The following ASXL2 variants were observed in gnomAD, a reference collection of about 807,000 sequenced individuals.
The protein encoded by ASXL2 is ASXL transcriptional regulator 2, also known as putative Polycomb group protein ASXL2.
Under a neutral mutation model 122.0 loss-of-function variants are expected in ASXL2, and 23 were observed. That is an observed-to-expected ratio of 0.19 (90% CI 0.14 to 0.27). ASXL2 has a LOEUF of 0.27. ASXL2 is among the 10% of genes least tolerant of loss of function. ASXL2 has a pLI of 1.00. For missense variants in ASXL2, 1,518 were observed against 1,713.8 expected (o/e 0.89, Z 2.02); for synonymous variants, 650 against 637.0 (o/e 1.02, Z -0.31).
chr2:25,736,963 C>T lies in ASXL2; in HGVS notation c.*5066G>A, dbSNP rs1283781702. ...ACTTTGCAGCCACAAAATGAGTTCT[C>T]GTGGATTAGACAGCAATCTCGGTAT... is the stretch of plus-strand genomic sequence containing the variant. On this transcript the variant is annotated 3_prime_UTR_variant, in exon 13 of 13. Coordinates refer to ENST00000435504, the MANE Select transcript of ASXL2 (RefSeq NM_018263.6). 1.3e-5 allele frequency: 2 copies of T among 152,142 alleles called. No homozygotes were observed. Among genetic ancestry groups the T allele is most frequent in the Middle Eastern group, 3.2e-3 (1 of 316 alleles). 9.4% of individuals were successfully genotyped at this position (152,142 alleles called of 1,614,324 possible).
At chr2:25,860,991 G>A (rs548154830) in intron 1 of ASXL2, among the ~76,000 whole-genome samples, 4 of 152,222 alleles carry the variant, frequency 2.6e-5, no homozygotes, top group African/African-American at 7.2e-5. Context: ...CAGCCTGGGC[G>A]ACAGAGAGCT....
chr2:25,802,101 T>C (rs889171999), intron 4 of ASXL2, among the ~76,000 whole-genome samples: 3 of 152,256 alleles, frequency 2.0e-5, no homozygotes, highest in African/African-American at 7.2e-5. Context: ...AACTGTGCCC[T>C]TGCTTAAGCT....
intron 1 of ASXL2, among the ~76,000 whole-genome samples, chr2:25,877,799 G>A (rs906404457): frequency 3.3e-5 from 5 of 152,208 alleles, no homozygotes; most frequent in African/African-American, 7.2e-5. Flanking sequence ...TGCATCCAAT[G>A]GGGGCTCTCC....
rs2087779949 is a variant in ASXL2, at chr2:25,738,866, T to G, written c.*3163A>C. ...CCCAAGTTTCCCATTTGCCAGCTCTTATTCTTAGAAATGTTACATGAAATA... is the reference window on the plus strand; with the variant it reads ...CCCAAGTTTCCCATTTGCCAGCTCTGATTCTTAGAAATGTTACATGAAATA... On this transcript the variant is annotated 3_prime_UTR_variant, in exon 13 of 13. Transcript: ENST00000435504. 1 of 152,224 alleles carries G rather than the reference T, an allele frequency of 6.6e-6. No individual in the cohort carries two copies. The highest frequency in any genetic ancestry group is 1.5e-5 in the Non-Finnish European group (1 of 68,042). The allele number at this position is 152,224 out of a possible 1,614,324, so 9.4% of individuals were successfully genotyped here. A position where few individuals can be genotyped will look rare whatever the true frequency, so the allele number is the denominator to read the frequency against.
At chr2:25,751,843 G>A (rs1456545273) in intron 11 of ASXL2, among the ~76,000 whole-genome samples, 3 of 151,772 alleles carry the variant, frequency 2.0e-5, no homozygotes, top group South Asian at 2.1e-4. Context: ...GTGCAATGGC[G>A]TAATCTTGGT....
intron 1 of ASXL2, among the ~76,000 whole-genome samples, chr2:25,866,197 C>T (rs1395318674): frequency 2.0e-5 from 3 of 149,848 alleles, no homozygotes; most frequent in Non-Finnish European, 3.0e-5. Flanking sequence ...GTGGCGCCAT[C>T]TTGGCTCACT....
chr2:25,846,709 G>C (rs780523306), intron 1 of ASXL2, among the ~76,000 whole-genome samples: 1 of 152,056 alleles, frequency 6.6e-6, no homozygotes, highest in African/African-American at 2.4e-5. Context: ...TTAGCTACTC[G>C]GGAGGCCGAG....
chr2:25,818,754 C>A (rs924053799), intron 3 of ASXL2, among the ~76,000 whole-genome samples: 4 of 152,044 alleles, frequency 2.6e-5, no homozygotes, highest in African/African-American at 9.7e-5. Context: ...CCATATGCGG[C>A]AACAGTGATA....
chr2:25,808,360 TCTCA>T (rs2089115779), intron 3 of ASXL2, among the ~76,000 whole-genome samples: 1 of 152,090 alleles, frequency 6.6e-6, no homozygotes, highest in South Asian at 2.1e-4. Context: ...TGAGACAGAG[TCTCA>T]CTCTATCCCC....
At position 25,759,584 on chromosome 2, in the gene ASXL2, A is replaced by T; in HGVS notation, c.837T>A (p.Val279=). 3 of 1,613,904 alleles carry T rather than the reference A, an allele frequency of 1.9e-6. No homozygotes were observed. The highest frequency in any genetic ancestry group is 2.5e-6 in the Non-Finnish European group (3 of 1,179,822). ...TGATCAGTGCTCGCAGATTTGTATTAACCAGAATGGAGTCCGGTGTCTCAA... is the reference window on the plus strand; with the variant it reads ...TGATCAGTGCTCGCAGATTTGTATTTACCAGAATGGAGTCCGGTGTCTCAA... ...IDVETPDSIL[V]NTNLRALINK... is the part of the protein sequence containing the mutation. Residue 279 remains valine (V), a synonymous_variant, in exon 9 of 13, where the codon GTT becomes GTA. Transcript: ENST00000435504.
At chr2:25,844,570 C>T (rs13021454) in intron 2 of ASXL2, among the ~76,000 whole-genome samples, 41,729 of 148,690 alleles carry the variant, frequency 0.28, 6,138 homozygotes, top group African/African-American at 0.33. Flanking sequence ...AGTCAGACTC[C>T]GTCTCAAAAA....
chr2:25,831,644 A>G (rs1477531225), intron 3 of ASXL2, among the ~76,000 whole-genome samples: 3 of 152,294 alleles, frequency 2.0e-5, no homozygotes, highest in South Asian at 2.1e-4. Flanking sequence ...ACAAAATGAG[A>G]CCCTGTCTCA....
chr2:25,866,861 T>C lies in ASXL2; in HGVS notation c.57+11305A>G, dbSNP rs182151543. On this transcript the variant is annotated intron_variant, in intron 1 of 12. Transcript: ENST00000435504. ...GATTCTCCTGCCTCAGCGTCCTGAG[T>C]AGCTGGGATTACAGGCACGCGCCAC... 3.8e-3 allele frequency among the ~76,000 whole-genome samples: 572 copies of C among 152,102 alleles called. 4 individuals are homozygous for C. Among genetic ancestry groups the C allele is most frequent in the Non-Finnish European group, 6.0e-3 (409 of 67,966 alleles).
intron 8 of ASXL2, among the ~76,000 whole-genome samples, chr2:25,762,916 TA>T (rs2088279139): frequency 6.6e-6 from 1 of 152,096 alleles, no homozygotes; most frequent in Non-Finnish European, 1.5e-5. Flanking sequence ...AGGCAAAAAC[TA>T]ACCATAGGGG....
intron 5 of ASXL2, among the ~76,000 whole-genome samples, chr2:25,771,868 T>C (rs752425526): frequency 7.2e-5 from 11 of 152,218 alleles, no homozygotes; most frequent in Non-Finnish European, 1.5e-4. Context: ...AGACAGTATC[T>C]ATGGTCTCAC....
At chr2:25,766,671 T>C (rs79127351) in intron 8 of ASXL2, among the ~76,000 whole-genome samples, 19 of 152,314 alleles carry the variant, frequency 1.2e-4, no homozygotes, top group African/African-American at 4.1e-4. Context: ...TATGCCTTGT[T>C]AGTAGCATTT....
At chr2:25,812,438 C>T (rs1482141037) in intron 3 of ASXL2, among the ~76,000 whole-genome samples, 3 of 151,978 alleles carry the variant, frequency 2.0e-5, no homozygotes, top group Non-Finnish European at 2.9e-5. Flanking sequence ...CCAGCCTGGG[C>T]AACAACAGTG....
rs186540193 is a variant in ASXL2, at chr2:25,739,038, T to A, written c.*2991A>T. ...TTAAGATTCAGGGAGACTTATTTAC[T>A]AGACAACTTAGAATCTTTATAAACA... On this transcript the variant is annotated 3_prime_UTR_variant, in exon 13 of 13. Transcript: ENST00000435504. 5 of 152,324 alleles carry A rather than the reference T, an allele frequency of 3.3e-5. No individual in the cohort carries two copies. The highest frequency in any genetic ancestry group is 1.2e-4 in the African/African-American group (5 of 41,576). The allele number at this position is 152,324 out of a possible 1,614,324, so 9.4% of individuals were successfully genotyped here.
At chr2:25,790,716 A>C (rs1183657325) in intron 5 of ASXL2, among the ~76,000 whole-genome samples, 1 of 139,596 alleles carries the variant, frequency 7.2e-6, no homozygotes, top group Non-Finnish European at 1.6e-5. Flanking sequence ...GCAGAAAAAC[A>C]AAAGACGCTA....
Sources: gnomAD v4.1 joint callset for allele counts (sites outside exome capture counted in the v4.1 genomes callset) on GRCh38, gnomAD v4.1.1 for gene constraint, MANE v1.5 for transcripts, NCBI Gene and HGNC (gene_info 2026-07-23, HGNC 2026-07-21) for gene names.